The following MAML2 variants were observed in gnomAD, a reference collection of about 807,000 sequenced individuals.
MAML2 encodes mastermind like transcriptional coactivator 2, also known as mastermind-like protein 2.
In MAML2, 22 loss-of-function variants were observed where a neutral mutation model predicts 96.1. The observed-to-expected ratio is 0.23, with a 90% CI of 0.16 to 0.33. The LOEUF is 0.33. Ranked by LOEUF, MAML2 falls within the 10% of genes least tolerant of loss-of-function variation. The pLI is 1.00. For synonymous variants in MAML2, 561 were observed against 521.3 expected, an observed-to-expected ratio of 1.08 and a Z score of -1.04; for missense variants, 1,367 against 1,392.4, an observed-to-expected ratio of 0.98 and a Z score of 0.29.
intron 1 of MAML2, among the ~76,000 whole-genome samples, chr11:96,148,493 T>C (rs1331352449): frequency 6.6e-6 from 1 of 152,066 alleles, no homozygotes; most frequent in Non-Finnish European, 1.5e-5. Context: ...GGTCATTCTT[T>C]CTGGAGGCCT....
Position 96,342,107 on chromosome 11 carries a change from G to T in MAML2, c.-212C>A, listed in dbSNP as rs1312241045. The stretch of plus-strand genomic sequence containing the variant: ...TGGGGAGAAAGAATAGAAACCAACT[G>T]GGGGGAGGATAAGTTGGAAACAAAC... On this transcript the variant is annotated 5_prime_UTR_variant, in exon 1 of 5. Transcript: ENST00000524717. 2 of 552,152 alleles carry T rather than the reference G, an allele frequency of 3.6e-6. No individual in the cohort carries two copies. The highest frequency in any genetic ancestry group is 1.9e-5 in the African/African-American group (1 of 53,152). The allele number at this position is 552,152 out of a possible 1,614,324, so 34.2% of individuals were successfully genotyped here.
chr11:96,012,539 T>C (rs548791745), intron 2 of MAML2, among the ~76,000 whole-genome samples: 33 of 152,326 alleles, frequency 2.2e-4, no homozygotes, highest in Middle Eastern at 3.4e-3. Flanking sequence ...AGTCTCTATG[T>C]GCACATGTCT....
chr11:96,295,110 A>T (rs1211701064), intron 1 of MAML2, among the ~76,000 whole-genome samples: 1 of 152,208 alleles, frequency 6.6e-6, no homozygotes, highest in African/African-American at 2.4e-5. Flanking sequence ...CAACATCAAC[A>T]CTGAGGTAAC....
chr11:96,085,153 GC>G (rs1301529209), intron 2 of MAML2, among the ~76,000 whole-genome samples: 1 of 140,150 alleles, frequency 7.1e-6, no homozygotes, highest in Non-Finnish European at 1.6e-5. Flanking sequence ...CCAGAGAGCT[GC>G]CTAGGCTATG....
At chr11:96,012,375 C>T (rs953712495) in intron 2 of MAML2, among the ~76,000 whole-genome samples, 5 of 152,190 alleles carry the variant, frequency 3.3e-5, no homozygotes, top group Non-Finnish European at 7.3e-5. Flanking sequence ...AATCATTAAG[C>T]GGTTCCCTGT....
intron 1 of MAML2, among the ~76,000 whole-genome samples, chr11:96,246,826 C>T (rs899328016): frequency 2.0e-5 from 3 of 152,140 alleles, no homozygotes; most frequent in Non-Finnish European, 4.4e-5. Flanking sequence ...CCGTTGTGGA[C>T]ACACACAGCA....
At chr11:96,164,085 A>T (rs1861155885) in intron 1 of MAML2, among the ~76,000 whole-genome samples, 1 of 151,808 alleles carries the variant, frequency 6.6e-6, no homozygotes, top group South Asian at 2.1e-4. Context: ...CATGTTGGCC[A>T]AGCTGGTCTC....
At chr11:96,041,091 G>T (rs898693825) in intron 2 of MAML2, among the ~76,000 whole-genome samples, 1 of 152,082 alleles carries the variant, frequency 6.6e-6, no homozygotes, top group African/African-American at 2.4e-5. Flanking sequence ...GTATTTTCTA[G>T]TTGCTGGCTA....
intron 2 of MAML2, among the ~76,000 whole-genome samples, chr11:96,047,910 C>CAAAAAAA (rs71459784): frequency 1.2e-3 from 100 of 82,328 alleles, no homozygotes; most frequent in Non-Finnish European, 1.4e-3. Flanking sequence ...GACTCTGCCT[C>CAAAAAAA]AAAAAAAAAA....
At chr11:96,040,495 G>A (rs932060025) in intron 2 of MAML2, among the ~76,000 whole-genome samples, 11 of 152,100 alleles carry the variant, frequency 7.2e-5, no homozygotes, top group Admixed American at 2.0e-4. Context: ...GGCTGGGCAC[G>A]GTGGCTCACA....
At chr11:96,255,489 A>C (rs958268427) in intron 1 of MAML2, among the ~76,000 whole-genome samples, 2 of 152,228 alleles carry the variant, frequency 1.3e-5, no homozygotes, top group African/African-American at 4.8e-5. Context: ...ATCCCCTCTC[A>C]CTTGCTGCCT....
chr11:96,081,911 T>C (rs1200348575), intron 2 of MAML2, among the ~76,000 whole-genome samples: 1 of 152,242 alleles, frequency 6.6e-6, no homozygotes, highest in Non-Finnish European at 1.5e-5. Context: ...CTCAATAATG[T>C]ATATTTTATA....
intron 2 of MAML2, among the ~76,000 whole-genome samples, chr11:96,008,226 G>C (rs946563010): frequency 3.2e-5 from 3 of 92,416 alleles, no homozygotes; most frequent in African/African-American, 4.4e-5. Context: ...CAGCAATTTG[G>C]GTAGGTTGGT....
intron 1 of MAML2, among the ~76,000 whole-genome samples, chr11:96,116,408 G>A (rs1324096164): frequency 2.6e-5 from 4 of 152,154 alleles, no homozygotes; most frequent in Non-Finnish European, 5.9e-5. Flanking sequence ...TTATAACACT[G>A]AAGATTTGGA....
Position 96,092,879 on chromosome 11 carries a change from G to A in MAML2, c.1152C>T (p.Pro384=), listed in dbSNP as rs919589235. 8.1e-6 allele frequency: 13 copies of A among 1,605,498 alleles called. 2 individuals carry two copies. In the Middle Eastern group the frequency reaches 6.6e-4, roughly 82 times the overall value. The change falls in exon 2 of 5, where the codon CCC becomes CCT. Residue 384 remains proline, a synonymous_variant. Coordinates refer to ENST00000524717, the MANE Select transcript of MAML2 (RefSeq NM_032427.4). The surrounding 1 kb of genome is among the most constrained non-coding windows in gnomAD (Gnocchi z 4.1). ...QGPSGSPQLR[P]PSAGPAFSMA... The stretch of plus-strand genomic sequence containing the variant: ...TGGAGAATGCGGGGCCAGCTGATGG[G>A]GGCCTCAGCTGAGGAGAGCCTGAGG...
At chr11:96,229,909 T>C (rs1010759640) in intron 1 of MAML2, among the ~76,000 whole-genome samples, 2 of 152,132 alleles carry the variant, frequency 1.3e-5, no homozygotes, top group African/African-American at 4.8e-5. Context: ...ATTTGCAGTA[T>C]TTTGGTATCC....
chr11:95,997,559 T>A (rs1858011516), intron 2 of MAML2, among the ~76,000 whole-genome samples: 1 of 152,198 alleles, frequency 6.6e-6, no homozygotes, highest in Non-Finnish European at 1.5e-5. Context: ...TGCATTCTTC[T>A]GGGCCTTGGG....
At position 95,993,561 on chromosome 11, in the gene MAML2, ACT is replaced by A. The variant is rs540026508; in HGVS notation, c.2140-1840_2140-1839del. ...ACTCCAGCCTGGGTGACAGAGCAAG[ACT>A]CTGTCTCAAAACAAAAACAAACAAA... On this transcript the variant is annotated intron_variant, in intron 2 of 4. Coordinates refer to ENST00000524717, the MANE Select transcript of MAML2 (RefSeq NM_032427.4). Among the ~76,000 whole-genome samples the A allele has an allele frequency of 3.6e-3, 555 of 152,232 alleles. 1 individual carries two copies. The highest frequency in any genetic ancestry group is 7.1e-3 in the Admixed American group (109 of 15,292).
At chr11:96,033,759 G>T (rs896633290) in intron 2 of MAML2, among the ~76,000 whole-genome samples, 1 of 152,110 alleles carries the variant, frequency 6.6e-6, no homozygotes, top group Admixed American at 6.6e-5. Flanking sequence ...AAACCTTCCA[G>T]GTTGCATTGG....
Sources: allele counts gnomAD v4.1 joint callset (sites outside exome capture counted in the v4.1 genomes callset), GRCh38; gene constraint gnomAD v4.1.1; non-coding constraint Gnocchi (gnomAD v3.1); transcripts MANE v1.5; gene names NCBI Gene and HGNC (gene_info 2026-07-23, HGNC 2026-07-21).